The following MALRD1 variants were observed in gnomAD, a reference collection of about 807,000 sequenced individuals.
MALRD1 encodes MAM and LDL-receptor class A domain-containing protein 1.
In MALRD1, 247 loss-of-function variants were observed where a neutral mutation model predicts 242.1. The observed-to-expected ratio is 1.02, with a 90% confidence interval of 0.92 to 1.13. The LOEUF (loss-of-function observed/expected upper bound fraction) is 1.13. MALRD1 is among the 50% of genes most tolerant of loss of function. MALRD1 has a pLI of 0.00. For synonymous variants in MALRD1, 995 were observed against 866.6 expected (o/e 1.15, Z -2.60); for missense variants, 2,989 against 2,533.1 (o/e 1.18, Z -3.86).
intron 36 of MALRD1, among the ~76,000 whole-genome samples, chr10:19,636,902 A>G (rs1298639273): frequency 7.9e-5 from 12 of 151,764 alleles, no homozygotes; most frequent in Non-Finnish European, 1.8e-4. Flanking sequence ...CTGTCTCAAA[A>G]AAAAAAAAAA....
chr10:19,104,479 T>C (rs1489325196), intron 5 of MALRD1, among the ~76,000 whole-genome samples: 2 of 152,150 alleles, frequency 1.3e-5, no homozygotes, highest in African/African-American at 4.8e-5. Flanking sequence ...TTAGTTATAA[T>C]CTATTTTCTA....
chr10:19,437,015 A>G (rs973187270), intron 28 of MALRD1, among the ~76,000 whole-genome samples: 5 of 152,156 alleles, frequency 3.3e-5, no homozygotes, highest in Admixed American at 2.6e-4. Context: ...AATTACATTT[A>G]GGAGGAGTAT....
At chr10:19,535,420 G>C (rs1359248570) in intron 32 of MALRD1, among the ~76,000 whole-genome samples, 6 of 151,500 alleles carry the variant, frequency 4.0e-5, no homozygotes, top group Middle Eastern at 3.5e-3. Context: ...ATCAGATTTT[G>C]TGTGAAAATG....
At chr10:19,700,567 T>C (rs1293861529) in intron 38 of MALRD1, among the ~76,000 whole-genome samples, 1 of 152,210 alleles carries the variant, frequency 6.6e-6, no homozygotes, top group Non-Finnish European at 1.5e-5. Context: ...CTTGTTGTGA[T>C]ACTCGATCCA....
At chr10:19,613,623 A>G (rs1839001510) in intron 35 of MALRD1, among the ~76,000 whole-genome samples, 1 of 152,018 alleles carries the variant, frequency 6.6e-6, no homozygotes, top group Non-Finnish European at 1.5e-5. Flanking sequence ...GGGGCTCCCA[A>G]ATTTTAGTCT....
chr10:19,500,023 T>A (rs1412579325), intron 31 of MALRD1, among the ~76,000 whole-genome samples: 4 of 152,134 alleles, frequency 2.6e-5, no homozygotes, highest in Non-Finnish European at 5.9e-5. Flanking sequence ...AAGTATTTTG[T>A]TGAGGATTTT....
rs568005988 is a variant in MALRD1 at position 19,253,319 on chromosome 10, C to T, written c.2992-4365C>T. Among the ~76,000 whole-genome samples the T allele has an allele frequency of 1.1e-3, 165 of 151,892 alleles. 7 individuals are homozygous for T. In the South Asian group the frequency reaches 0.033, roughly 30 times the overall value. On this transcript the variant is annotated intron_variant, in intron 18 of 39. Transcript: ENST00000454679. ...TATAAAATGCCACACATTAAATTAG[C>T]AATTGAGAAAAAGACATGAAAGTAA... is the stretch of plus-strand genomic sequence containing the variant.
intron 12 of MALRD1, among the ~76,000 whole-genome samples, chr10:19,159,373 C>A (rs1834299156): frequency 6.6e-6 from 1 of 150,896 alleles, no homozygotes; most frequent in Non-Finnish European, 1.5e-5. Context: ...TTTGGCTATT[C>A]TTATCCTTCT....
chr10:19,229,891 C>G (rs1837973933), intron 18 of MALRD1, among the ~76,000 whole-genome samples: 1 of 152,160 alleles, frequency 6.6e-6, no homozygotes, highest in Non-Finnish European at 1.5e-5. Context: ...TATGGCTTGG[C>G]TGTGTCCCCA....
intron 36 of MALRD1, among the ~76,000 whole-genome samples, chr10:19,661,532 A>G (rs954467183): frequency 4.6e-5 from 7 of 152,192 alleles, no homozygotes; most frequent in Admixed American, 2.6e-4. Flanking sequence ...AACTGTCACA[A>G]GGACAAAAAA....
intron 38 of MALRD1, 144 bp downstream of exon 38, chr10:19,692,698 G>A: frequency 1.6e-6 from 1 of 613,448 alleles, no homozygotes; most frequent in East Asian, 3.0e-5. Context: ...TATTTTTCTG[G>A]GCAGAAAAGA....
At chr10:19,511,953 A>G (rs1194546101) in intron 31 of MALRD1, among the ~76,000 whole-genome samples, 2 of 152,104 alleles carry the variant, frequency 1.3e-5, no homozygotes, top group Non-Finnish European at 2.9e-5. Flanking sequence ...TTCTGAAGAG[A>G]AATCTCCTTG....
At chr10:19,367,218 C>T (rs1411954799) in intron 26 of MALRD1, among the ~76,000 whole-genome samples, 3 of 152,032 alleles carry the variant, frequency 2.0e-5, no homozygotes, top group African/African-American at 7.2e-5. Context: ...TACTCCTTCT[C>T]TCTAGCTGTA....
chr10:19,152,744 TTTACAATTA>T (rs138799377), intron 11 of MALRD1, among the ~76,000 whole-genome samples: 2,585 of 152,198 alleles, frequency 0.017, 69 homozygotes, highest in African/African-American at 0.059. Context: ...GCTTTCTATT[TTTACAATTA>T]TATTATTGGT....
At chr10:19,357,283 CAT>C (rs1221260561) in intron 26 of MALRD1, among the ~76,000 whole-genome samples, 1 of 151,876 alleles carries the variant, frequency 6.6e-6, no homozygotes, top group Non-Finnish European at 1.5e-5. Context: ...ATAATTTCCA[CAT>C]GTTTCTTAGG....
intron 5 of MALRD1, among the ~76,000 whole-genome samples, chr10:19,110,756 G>A (rs1836649323): frequency 2.0e-5 from 3 of 152,116 alleles, no homozygotes; most frequent in Non-Finnish European, 4.4e-5. Context: ...GATCCCTTCA[G>A]CAATGTCTTT....
intron 18 of MALRD1, among the ~76,000 whole-genome samples, chr10:19,211,178 A>G (rs774890213): frequency 7.4e-4 from 113 of 152,298 alleles, no homozygotes; most frequent in Non-Finnish European, 8.4e-4. Flanking sequence ...GCAGGGAAGC[A>G]GCTTCATAGC....
intron 2 of MALRD1, among the ~76,000 whole-genome samples, chr10:19,085,430 A>G (rs1389418626): frequency 6.6e-6 from 1 of 152,032 alleles, no homozygotes; most frequent in Non-Finnish European, 1.5e-5. Context: ...CTAAGTTAAA[A>G]TTAAACATAG....
At chr10:19,374,102 G>T (rs1260008026) in intron 26 of MALRD1, among the ~76,000 whole-genome samples, 1 of 152,288 alleles carries the variant, frequency 6.6e-6, no homozygotes, top group South Asian at 2.1e-4. Flanking sequence ...TTAAATATGT[G>T]CATACATTAG....
Sources: allele counts gnomAD v4.1 joint callset (sites outside exome capture counted in the v4.1 genomes callset), GRCh38; gene constraint gnomAD v4.1.1; transcripts MANE v1.5; gene names NCBI Gene and HGNC (gene_info 2026-07-23, HGNC 2026-07-21).